AGBL1: variants seen among roughly 807,000 people sequenced by gnomAD.
AGBL1 encodes cytosolic carboxypeptidase 4.
In AGBL1, 130 loss-of-function variants were observed where a neutral mutation model predicts 118.9. The ratio of observed to expected loss-of-function variants is 1.09; its 90% CI spans 0.95 to 1.26. The LOEUF (loss-of-function observed/expected upper bound fraction) is 1.26. Ranked by LOEUF, AGBL1 falls within the 50% of genes most tolerant of loss-of-function variation. The pLI is 0.00. For missense variants in AGBL1, 1,584 were observed against 1,298.1 expected (o/e 1.22, Z -3.38); for synonymous variants, 555 against 478.9 (o/e 1.16, Z -2.08).
chr15:86,197,455 T>C lies in AGBL1; in HGVS notation c.489-27459T>C, dbSNP rs948893515. On this transcript the variant is annotated intron_variant, in intron 5 of 22. Coordinates refer to ENST00000614907, the MANE Select transcript of AGBL1 (RefSeq NM_001386094.1). ...ACTGGAGGAAAAGCCATCGTTGTTA[T>C]GAAGTGGCAAATAACTTGGGTGTTC... is the stretch of plus-strand genomic sequence containing the variant. 2.6e-5 allele frequency among the ~76,000 whole-genome samples: 4 copies of C among 152,232 alleles called. No homozygotes were observed. In the East Asian group the frequency reaches 7.7e-4, roughly 29 times the overall value.
intron 22 of AGBL1, among the ~76,000 whole-genome samples, chr15:86,800,941 G>C (rs917371051): frequency 6.6e-6 from 1 of 152,084 alleles, no homozygotes; most frequent in Non-Finnish European, 1.5e-5. Flanking sequence ...TAAGGGGTGA[G>C]ATGCATGAAA....
chr15:86,346,911 TG>T (rs2080546581), intron 17 of AGBL1, among the ~76,000 whole-genome samples: 1 of 152,154 alleles, frequency 6.6e-6, no homozygotes, highest in Non-Finnish European at 1.5e-5. Context: ...TGTTTTGTGT[TG>T]ATCTGTTGTA....
At chr15:86,969,270 T>C (rs1290270176) in intron 23 of AGBL1, among the ~76,000 whole-genome samples, 1 of 151,918 alleles carries the variant, frequency 6.6e-6, no homozygotes, top group East Asian at 1.9e-4. Flanking sequence ...AGTTATGTGC[T>C]TTCCACAACA....
intron 21 of AGBL1, among the ~76,000 whole-genome samples, chr15:86,651,541 A>T (rs1230439765): frequency 1.3e-5 from 2 of 152,174 alleles, no homozygotes; most frequent in Non-Finnish European, 2.9e-5. Context: ...TAGATGAGTT[A>T]TTTGGCATAT....
At chr15:86,100,713 T>TTTGTTG (rs998355001) in intron 1 of AGBL1, among the ~76,000 whole-genome samples, 1 of 152,058 alleles carries the variant, frequency 6.6e-6, no homozygotes, top group Non-Finnish European at 1.5e-5. Context: ...TAATAGCTTT[T>TTTGTTG]TTGTTGTTGT....
intron 22 of AGBL1, among the ~76,000 whole-genome samples, chr15:86,749,379 G>A (rs2077811493): frequency 2.6e-5 from 4 of 152,182 alleles, no homozygotes; most frequent in Admixed American, 2.0e-4. Flanking sequence ...AGACTTTGCT[G>A]AAGTTGCTTA....
At chr15:86,261,191 C>T (rs537560296) in intron 9 of AGBL1, among the ~76,000 whole-genome samples, 1 of 152,306 alleles carries the variant, frequency 6.6e-6, no homozygotes, top group East Asian at 1.9e-4. Context: ...TTGAATGACT[C>T]TCCTCCCTTC....
intron 17 of AGBL1, among the ~76,000 whole-genome samples, chr15:86,353,169 C>T (rs931373599): frequency 1.3e-5 from 2 of 152,138 alleles, no homozygotes; most frequent in Non-Finnish European, 2.9e-5. Context: ...AGCTTTTATA[C>T]CATGCTTTGC....
intron 17 of AGBL1, among the ~76,000 whole-genome samples, chr15:86,361,172 C>T (rs1045266008): frequency 2.6e-5 from 4 of 151,734 alleles, no homozygotes; most frequent in African/African-American, 9.7e-5. Context: ...TGTTTTTGTC[C>T]ATTTCAAAAT....
chr15:86,614,909 T>C (rs905195632), intron 21 of AGBL1, among the ~76,000 whole-genome samples: 1 of 152,188 alleles, frequency 6.6e-6, no homozygotes, highest in South Asian at 2.1e-4. Context: ...TTTCTGAAGG[T>C]GACAACCAAA....
intron 23 of AGBL1, among the ~76,000 whole-genome samples, chr15:86,960,536 A>G (rs1384316444): frequency 6.6e-6 from 1 of 152,002 alleles, no homozygotes; most frequent in Non-Finnish European, 1.5e-5. Flanking sequence ...TTCGGTAAGG[A>G]TGTAAATTAG....
At position 86,256,934 on chromosome 15, in the gene AGBL1, C is replaced by T; in HGVS notation, c.817C>T (p.Leu273Phe). Residue 273 changes from leucine (L) to phenylalanine (F), a missense_variant, in exon 8 of 23, where the codon CTT becomes TTT. Coordinates refer to ENST00000614907, the MANE Select transcript of AGBL1 (RefSeq NM_001386094.1). Reference protein sequence around the residue: ...ILRQCYPTSPLPLVTASSAYA... With the variant: ...ILRQCYPTSPFPLVTASSAYA... ...GAGGCAGTGCTACCCTACGAGTCCACTTCCCTTGGTCACAGCCAGCAGTGC... is the reference window on the plus strand; with the variant it reads ...GAGGCAGTGCTACCCTACGAGTCCATTTCCCTTGGTCACAGCCAGCAGTGC... 1 of 1,613,996 alleles carries T rather than the reference C, an allele frequency of 6.2e-7. No homozygotes were observed. The highest frequency in any genetic ancestry group is 8.5e-7 in the Non-Finnish European group (1 of 1,179,892).
At chr15:86,917,449 G>C (rs866098360), downstream of AGBL1, among the ~76,000 whole-genome samples, 42 of 152,294 alleles carry the variant, frequency 2.8e-4, no homozygotes, top group African/African-American at 7.7e-4. The surrounding 1 kb of genome is among the most constrained non-coding windows in gnomAD (Gnocchi z 4.8). Context: ...GTGCAAGAGG[G>C]TTAGGGAAAG....
intron 22 of AGBL1, among the ~76,000 whole-genome samples, chr15:86,847,232 CT>C (rs1235319243): frequency 6.6e-6 from 1 of 152,136 alleles, no homozygotes; most frequent in Non-Finnish European, 1.5e-5. Flanking sequence ...TCTTTTTCTG[CT>C]GAGTTCAATC....
intron 17 of AGBL1, among the ~76,000 whole-genome samples, chr15:86,386,707 A>G (rs537030130): frequency 3.0e-4 from 45 of 152,080 alleles, no homozygotes; most frequent in Non-Finnish European, 6.2e-4. Context: ...CCTCTGCTTT[A>G]AGTAAATACC....
At position 86,815,893 on chromosome 15, in the gene AGBL1, T is replaced by G. The variant is rs545338598; in HGVS notation, c.3159-91194T>G. ...ACATTTATAGCAAAGGAGATTTTCA[T>G]AAAGGATGCTTTGGGGAAGGAAACG... On this transcript the variant is annotated intron_variant, in intron 22 of 22. Transcript: ENST00000614907. Among the ~76,000 whole-genome samples the G allele has an allele frequency of 1.6e-4, 24 of 152,286 alleles. No individual in the cohort carries two copies. The East Asian group carries it at 4.1e-3, about 26-fold the overall frequency.
rs746581954 is a variant in AGBL1 at position 86,909,996 on chromosome 15, A to T, written c.*2702A>T. 4 of 152,238 alleles carry T rather than the reference A, an allele frequency of 2.6e-5. No homozygotes were observed. Among genetic ancestry groups the T allele is most frequent in the Non-Finnish European group, 5.9e-5 (4 of 68,046 alleles). 9.4% of individuals were successfully genotyped at this position (152,238 alleles called of 1,614,324 possible). A position where few individuals can be genotyped will look rare whatever the true frequency, so the allele number is the denominator to read the frequency against. ...TGGGTCATGCACTTTACTAAGCTCT[A>T]CGGATGCAGATAAGAAAGACCTATT... On this transcript the variant is annotated 3_prime_UTR_variant, in exon 23 of 23. Transcript: ENST00000614907.
rs1441965840 is a variant in AGBL1, at chr15:86,832,069, G to A, written c.3159-75018G>A. ...AAGCAACGGCCTGAGCTCTATGTCG[G>A]CCCCTTTTAACCATGGCTGGGATGC... is the stretch of plus-strand genomic sequence containing the variant. On this transcript the variant is annotated intron_variant, in intron 22 of 22. Coordinates refer to ENST00000614907, the MANE Select transcript of AGBL1 (RefSeq NM_001386094.1). 5.3e-5 allele frequency among the ~76,000 whole-genome samples: 8 copies of A among 152,072 alleles called. 1 individual carries two copies. The South Asian group carries it at 1.7e-3, about 32-fold the overall frequency.
chr15:86,477,939 A>G (rs2082586874), intron 18 of AGBL1, among the ~76,000 whole-genome samples: 1 of 152,222 alleles, frequency 6.6e-6, no homozygotes, highest in African/African-American at 2.4e-5. Context: ...TACGCAAATC[A>G]AGAAACATAA....
Sources: gnomAD v4.1 joint callset for allele counts (sites outside exome capture counted in the v4.1 genomes callset) on GRCh38, gnomAD v4.1.1 for gene constraint, Gnocchi (gnomAD v3.1) non-coding constraint, MANE v1.5 for transcripts, NCBI Gene and HGNC (gene_info 2026-07-23, HGNC 2026-07-21) for gene names.